The following ADGRB2 variants were observed in gnomAD, a reference collection of about 807,000 sequenced individuals.
The protein encoded by ADGRB2 is adhesion G protein-coupled receptor B2.
In ADGRB2, 47 loss-of-function variants were observed where a neutral mutation model predicts 178.7. The ratio of observed to expected loss-of-function variants is 0.26; its 90% CI spans 0.21 to 0.34. ADGRB2 has a LOEUF of 0.34. Among genes scored for constraint, ADGRB2 ranks in the 10% least tolerant of loss-of-function variants. The pLI, the probability that ADGRB2 is intolerant of heterozygous loss-of-function variation, is 1.00. For synonymous variants in ADGRB2, 870 were observed against 912.4 expected, an observed-to-expected ratio of 0.95 and a Z score of 0.84; for missense variants, 1,584 against 2,180.8, an observed-to-expected ratio of 0.73 and a Z score of 5.45.
At chr1:31,743,591 C>T (rs913580353) in intron 6 of ADGRB2, 1 of 152,870 alleles carries the variant, frequency 6.5e-6, no homozygotes, top group African/African-American at 2.4e-5. Context: ...TCCACAGCAC[C>T]ACTGGCATGG....
chr1:31,737,237 C>T (rs1460208794), intron 20 of ADGRB2, among the ~76,000 whole-genome samples, 192 bp downstream of exon 20: 1 of 152,188 alleles, frequency 6.6e-6, no homozygotes, highest in Non-Finnish European at 1.5e-5. Flanking sequence ...AAGTTCCTCA[C>T]TTGAGTACAC....
In ADGRB2 at chr1:31,740,895, G is replaced by GCACACA. The variant is rs145689822; in HGVS notation, c.1795-360_1795-355dup. Among the ~76,000 whole-genome samples the GCACACA allele has an allele frequency of 0.054, 7,578 of 140,262 alleles. 376 individuals are homozygous for GCACACA. The highest frequency in any genetic ancestry group is 0.12 in the African/African-American group (4,670 of 37,460). The allele number at this position is 140,262 out of a possible 152,430, so 92.0% of individuals were successfully genotyped here. A position where few individuals can be genotyped will look rare whatever the true frequency, so the allele number is the denominator to read the frequency against. ...AATGAGCATGTGTGTGGGCGCGCGC[G>GCACACA]CACACACACACACACACACACACAC... On this transcript the variant is annotated intron_variant, in intron 11 of 32. Transcript: ENST00000373658. The surrounding 1 kb of genome is among the most constrained non-coding windows in gnomAD (Gnocchi z 5.9).
At chr1:31,762,572 G>A (rs561280292) in intron 1 of ADGRB2, among the ~76,000 whole-genome samples, 1 of 152,324 alleles carries the variant, frequency 6.6e-6, no homozygotes, top group East Asian at 1.9e-4. Context: ...AAGGCTCAAA[G>A]GACTCTTGAC....
intron 25 of ADGRB2, among the ~76,000 whole-genome samples, chr1:31,734,144 C>T (rs545424109): frequency 6.6e-6 from 1 of 152,262 alleles, no homozygotes; most frequent in East Asian, 1.9e-4. Context: ...CTGAAGTCCC[C>T]GGAGGTGTAG....
chr1:31,742,327 C>T, intron 7 of ADGRB2, 110 bp from the exon 8 acceptor site: 1 of 1,427,744 alleles, frequency 7.0e-7, no homozygotes, highest in Non-Finnish European at 9.4e-7. Flanking sequence ...AGATTTGAGC[C>T]AGGCCAGACC....
chr1:31,740,563 C>G lies in ADGRB2; in HGVS notation c.1795-22G>C, dbSNP rs780725442. ...TAAGCTGTAGGTGATGAGGGGGCCACAGTCACTGAAGTGTCAGGAGCTGGA... is the reference window on the plus strand; with the variant it reads ...TAAGCTGTAGGTGATGAGGGGGCCAGAGTCACTGAAGTGTCAGGAGCTGGA... On this transcript the variant is annotated intron_variant, in intron 11 of 32. Coordinates refer to ENST00000373658, the MANE Select transcript of ADGRB2 (RefSeq NM_001364857.2). This position sits in a 1 kb window ranked among gnomAD's most constrained non-coding sequence, Gnocchi z 5.9. 2.5e-6 allele frequency: 4 copies of G among 1,570,120 alleles called. No individual in the cohort carries two copies. In the South Asian group the frequency reaches 4.7e-5, roughly 18 times the overall value.
chr1:31,741,503 C>A lies in ADGRB2; in HGVS notation c.1688-24G>T. 1.3e-6 allele frequency: 2 copies of A among 1,583,206 alleles called. No homozygotes were observed. Among genetic ancestry groups the A allele is most frequent in the Non-Finnish European group, 1.7e-6 (2 of 1,163,710 alleles). On this transcript the variant is annotated intron_variant, in intron 10 of 32. Transcript: ENST00000373658. This position sits in a 1 kb window ranked among gnomAD's most constrained non-coding sequence, Gnocchi z 6.5. The stretch of plus-strand genomic sequence containing the variant: ...CCCTGCAGGGCAATAGGACAGAGGT[C>A]TGGGCATGGGGGCCGAGCTCTCACC...
chr1:31,762,985 A>C (rs909129617), intron 1 of ADGRB2, among the ~76,000 whole-genome samples: 1 of 152,216 alleles, frequency 6.6e-6, no homozygotes, highest in African/African-American at 2.4e-5. Flanking sequence ...CCTCGGACCA[A>C]GCTGACTGCG....
chr1:31,735,882 G>A lies in ADGRB2; in HGVS notation c.3212C>T (p.Ser1071Phe). 6.3e-7 allele frequency: 1 copy of A among 1,599,234 alleles called. No homozygotes were observed. Among genetic ancestry groups the A allele is most frequent in the Non-Finnish European group, 8.5e-7 (1 of 1,172,830 alleles). The change falls in exon 23 of 33, where the codon TCC (serine) becomes TTC (phenylalanine). Residue 1071 changes from serine (S) to phenylalanine (F), a missense_variant. Around this residue, in one of 3 missense-constraint regions of ADGRB2, gnomAD observed 865 missense variants for 1,192.8 expected, o/e 0.73. Transcript: ENST00000373658. The surrounding 1 kb of genome is among the most constrained non-coding windows in gnomAD (Gnocchi z 6.0). ...GGCGTAGAGCAGGCCGCCCTCCAGG[G>A]AGAGCCAGCAGCTGGGGTGGGGGAG... ...GYGTSSYCWL[S>F]LEGGLLYAFV...
chr1:31,750,887 C>A (rs1360170763), intron 4 of ADGRB2, among the ~76,000 whole-genome samples: 1 of 152,086 alleles, frequency 6.6e-6, no homozygotes, highest in Non-Finnish European at 1.5e-5. Context: ...CCGCCCCCCC[C>A]AATAATTCTT....
chr1:31,744,121 G>C lies in ADGRB2; in HGVS notation c.1087+72C>G. 1 of 1,447,046 alleles carries C rather than the reference G, an allele frequency of 6.9e-7. No individual in the cohort carries two copies. The highest frequency in any genetic ancestry group is 1.8e-4 in the Middle Eastern group (1 of 5,530). The allele number at this position is 1,447,046 out of a possible 1,614,324, so 89.6% of individuals were successfully genotyped here. Reference sequence around the variant, plus strand: ...GGAGGAGGCAACCAACCATTTTGGAGATTAATCTGCCCAAGTCCCAGGCAG... The same window carrying C: ...GGAGGAGGCAACCAACCATTTTGGACATTAATCTGCCCAAGTCCCAGGCAG... On this transcript the variant is annotated intron_variant, in intron 6 of 32. Coordinates refer to ENST00000373658, the MANE Select transcript of ADGRB2 (RefSeq NM_001364857.2). The surrounding 1 kb of genome is among the most constrained non-coding windows in gnomAD (Gnocchi z 6.7).
At chr1:31,750,323 G>A (rs1646502223) in intron 4 of ADGRB2, among the ~76,000 whole-genome samples, 1 of 152,172 alleles carries the variant, frequency 6.6e-6, no homozygotes, top group Non-Finnish European at 1.5e-5. Context: ...CCTAGCTTCT[G>A]GGAAGACAGG....
chr1:31,740,001 C>T lies in ADGRB2; in HGVS notation c.2092G>A (p.Val698Met), dbSNP rs748628236. ...CCCACCAGGTGAATGAAGTCCTCCACGACACGGAGCAGGTGCACAGAGCCA... is the reference window on the plus strand; with the variant it reads ...CCCACCAGGTGAATGAAGTCCTCCATGACACGGAGCAGGTGCACAGAGCCA... ...SPGSVHLLRV[V>M]EDFIHLVGDA... Residue 698 changes from valine (V) to methionine (M), a missense_variant, in exon 14 of 33, where the codon GTG becomes ATG. By Grantham distance (21) the Val-to-Met change is conservative. Transcript: ENST00000373658. The surrounding 1 kb of genome is among the most constrained non-coding windows in gnomAD (Gnocchi z 5.9). 26 of 1,614,062 alleles carry T rather than the reference C, an allele frequency of 1.6e-5. No homozygotes were observed. The highest frequency in any genetic ancestry group is 3.3e-5 in the Admixed American group (2 of 60,010).
intron 22 of ADGRB2, among the ~76,000 whole-genome samples, 176 bp from the exon 23 acceptor site, chr1:31,736,069 G>C (rs1184672490): frequency 6.6e-6 from 1 of 152,196 alleles, no homozygotes; most frequent in African/African-American, 2.4e-5. Context: ...TCCAACAAAG[G>C]TCCAGAACAT....
intron 29 of ADGRB2, among the ~76,000 whole-genome samples, chr1:31,730,015 C>G (rs1645196814): frequency 6.6e-6 from 1 of 152,224 alleles, no homozygotes; most frequent in East Asian, 1.9e-4. Context: ...CAGGAACAGC[C>G]AATTGTGGCT....
chr1:31,747,468 C>G (rs1419160849), intron 4 of ADGRB2, among the ~76,000 whole-genome samples: 1 of 152,028 alleles, frequency 6.6e-6, no homozygotes, highest in Non-Finnish European at 1.5e-5. Flanking sequence ...TGCTTGTTTC[C>G]CCACCCTCTT....
In ADGRB2 at chr1:31,735,783, C is replaced by T. The variant is rs781099094; in HGVS notation, c.3267+44G>A. On this transcript the variant is annotated intron_variant, in intron 23 of 32. Coordinates refer to ENST00000373658, the MANE Select transcript of ADGRB2 (RefSeq NM_001364857.2). The surrounding 1 kb of genome is among the most constrained non-coding windows in gnomAD (Gnocchi z 6.0). ...GAGGTAGAGGGAGAAACAGGATGAC[C>T]CTCTGGGGCCATGCCCCTTCCAAGA... 1.9e-6 allele frequency: 3 copies of T among 1,597,902 alleles called. No homozygotes were observed. The highest frequency in any genetic ancestry group is 2.6e-6 in the Non-Finnish European group (3 of 1,170,470).
rs1310014886 is a variant in ADGRB2, at chr1:31,733,097, T to A, written c.3499A>T (p.Thr1167Ser). 1.3e-6 allele frequency: 2 copies of A among 1,586,196 alleles called. No individual in the cohort carries two copies. The highest frequency in any genetic ancestry group is 2.7e-5 in the African/African-American group (2 of 74,266). The part of the protein sequence containing the change: ...SCVVLPLLAL[T>S]WMSAVLAMTD... ...ATAGCCAGGACGGCAGACATCCAGG[T>A]GAGCGCCAGCAGGGGCAGCACCACG... Residue 1167 changes from threonine (T) to serine (S), a missense_variant, in exon 26 of 33, where the codon ACC becomes TCC. Physicochemically the swap from Thr to Ser is moderately conservative, Grantham distance 58. Around this residue, in one of 3 missense-constraint regions of ADGRB2, gnomAD observed 865 missense variants for 1,192.8 expected, o/e 0.73. Coordinates refer to ENST00000373658, the MANE Select transcript of ADGRB2 (RefSeq NM_001364857.2). This position sits in a 1 kb window ranked among gnomAD's most constrained non-coding sequence, Gnocchi z 4.3.
In ADGRB2 at chr1:31,757,426, G is replaced by T. The variant is rs745705631; in HGVS notation, c.-105C>A. Reference sequence around the variant, plus strand: ...AGAAAGGGGCGGAGTTACAGCCAGTGTGCCAGGAACTGCGCACAACCTGAG... The same window carrying T: ...AGAAAGGGGCGGAGTTACAGCCAGTTTGCCAGGAACTGCGCACAACCTGAG... On this transcript the variant is annotated 5_prime_UTR_variant, in exon 2 of 33. Coordinates refer to ENST00000373658, the MANE Select transcript of ADGRB2 (RefSeq NM_001364857.2). 3.2e-5 allele frequency: 22 copies of T among 685,124 alleles called. No homozygotes were observed. Among genetic ancestry groups the T allele is most frequent in the Non-Finnish European group, 5.5e-5 (22 of 397,316 alleles). 42.4% of individuals were successfully genotyped at this position (685,124 alleles called of 1,614,324 possible).
Sources: allele counts gnomAD v4.1 joint callset (sites outside exome capture counted in the v4.1 genomes callset), GRCh38; gene constraint gnomAD v4.1.1; regional missense constraint gnomAD v4.1.1; non-coding constraint Gnocchi (gnomAD v3.1); transcripts MANE v1.5; gene names NCBI Gene and HGNC (gene_info 2026-07-23, HGNC 2026-07-21).